Variants in VOPP1 observed in about 807,000 individuals in gnomAD.
VOPP1 encodes VOPP1 WW domain binding protein, also known as WW domain binding protein VOPP1.
Under a neutral mutation model 23.5 loss-of-function variants are expected in VOPP1, and 8 were observed. The observed-to-expected ratio is 0.34, with a 90% CI of 0.20 to 0.61. The LOEUF (loss-of-function observed/expected upper bound fraction) is 0.61. Ranked by LOEUF, VOPP1 falls within the 20% of genes least tolerant of loss-of-function variation. The probability of loss-of-function intolerance (pLI) is 0.78; values close to 1 mark genes in which losing one functional copy is unlikely to be tolerated. For missense variants in VOPP1, 174 were observed against 238.1 expected, an observed-to-expected ratio of 0.73 and a Z score of 1.77; for synonymous variants, 83 against 97.3, an observed-to-expected ratio of 0.85 and a Z score of 0.86.
At chr7:55,491,167 A>T (rs746262667) in intron 4 of VOPP1, among the ~76,000 whole-genome samples, 1 of 152,208 alleles carries the variant, frequency 6.6e-6, no homozygotes, top group African/African-American at 2.4e-5. Flanking sequence ...TATTCCATAA[A>T]CATCTCTATT....
rs1482393412 is a variant in VOPP1 at position 55,568,793 on chromosome 7, T to C, written c.54+3478A>G. On this transcript the variant is annotated intron_variant, in intron 1 of 4. Coordinates refer to ENST00000285279, the MANE Select transcript of VOPP1 (RefSeq NM_030796.5). ...GAAGTGTAGTCAGTTTTAAAACCTT[T>C]TTTTTTCCTTTTAGTTTCTAAGGAG... Among the ~76,000 whole-genome samples, 3 of 152,330 alleles carry C rather than the reference T, an allele frequency of 2.0e-5. No individual in the cohort carries two copies. In the East Asian group the frequency reaches 5.8e-4, roughly 29 times the overall value.
intron 4 of VOPP1, among the ~76,000 whole-genome samples, chr7:55,476,489 G>A (rs968560990): frequency 6.6e-6 from 1 of 152,110 alleles, no homozygotes; most frequent in Non-Finnish European, 1.5e-5. Flanking sequence ...AGTCCGGCAG[G>A]CCGCAGAGGG....
intron 4 of VOPP1, among the ~76,000 whole-genome samples, chr7:55,491,109 T>TACAA (rs1212342796): frequency 6.6e-6 from 1 of 152,212 alleles, no homozygotes; most frequent in Non-Finnish European, 1.5e-5. Context: ...ACCTACAACC[T>TACAA]GATGAGTTTA....
intron 4 of VOPP1, among the ~76,000 whole-genome samples, chr7:55,449,079 CCT>C (rs1401332836): frequency 6.6e-6 from 1 of 152,172 alleles, no homozygotes; most frequent in African/African-American, 2.4e-5. Context: ...TCTCTCTGCG[CCT>C]CTCTCTGCTA....
intron 1 of VOPP1, among the ~76,000 whole-genome samples, chr7:55,538,086 C>A (rs1002062332): frequency 1.3e-5 from 2 of 152,236 alleles, no homozygotes; most frequent in African/African-American, 2.4e-5. Context: ...CACTTTAGGG[C>A]TTCGAGACAC....
chr7:55,495,971 G>A (rs1008113932), intron 3 of VOPP1, among the ~76,000 whole-genome samples: 1 of 152,210 alleles, frequency 6.6e-6, no homozygotes, highest in Non-Finnish European at 1.5e-5. Context: ...AAGTCGTCGT[G>A]TGCTGCCTCG....
intron 1 of VOPP1, among the ~76,000 whole-genome samples, chr7:55,565,905 G>C (rs1798148828): frequency 2.0e-5 from 3 of 152,172 alleles, no homozygotes; most frequent in African/African-American, 7.2e-5. Flanking sequence ...GGGAACCAAA[G>C]GTTTCAGCAC....
At chr7:55,462,692 G>A (rs1030527816) in intron 4 of VOPP1, among the ~76,000 whole-genome samples, 4 of 133,194 alleles carry the variant, frequency 3.0e-5, no homozygotes, top group African/African-American at 1.1e-4. Flanking sequence ...GTCTCGCTCT[G>A]TTGCCCAGGC....
intron 3 of VOPP1, among the ~76,000 whole-genome samples, chr7:55,496,310 G>A (rs1025202297): frequency 0.029 from 3 of 102 alleles, no homozygotes; most frequent in South Asian, 0.25. Flanking sequence ...AGGAGGCTCC[G>A]GAGCAAGGCC....
At chr7:55,483,624 G>A (rs960889398) in intron 4 of VOPP1, among the ~76,000 whole-genome samples, 1 of 152,200 alleles carries the variant, frequency 6.6e-6, no homozygotes. Context: ...TGGCTCTCAA[G>A]TCACCTTTGA....
chr7:55,450,089 T>C (rs145560633), intron 4 of VOPP1, among the ~76,000 whole-genome samples: 117 of 152,358 alleles, frequency 7.7e-4, no homozygotes, highest in African/African-American at 2.6e-3. Flanking sequence ...CGAGCAACGA[T>C]TGCATTTCAC....
At chr7:55,534,534 T>C (rs1796671534) in intron 1 of VOPP1, among the ~76,000 whole-genome samples, 1 of 152,216 alleles carries the variant, frequency 6.6e-6, no homozygotes, top group South Asian at 2.1e-4. Context: ...GGGTTTCTGC[T>C]TTTGAGCTCG....
intron 2 of VOPP1, among the ~76,000 whole-genome samples, chr7:55,504,348 C>T (rs368115274): frequency 1.0e-3 from 156 of 152,294 alleles, no homozygotes; most frequent in African/African-American, 3.5e-3. Context: ...CACTGGCCTT[C>T]GAATTAGCTA....
intron 4 of VOPP1, among the ~76,000 whole-genome samples, chr7:55,473,554 A>C (rs1792004948): frequency 6.6e-6 from 1 of 152,090 alleles, no homozygotes; most frequent in African/African-American, 2.4e-5. Flanking sequence ...CAGCTGATTG[A>C]CGCTCCATGG....
At position 55,471,597 on chromosome 7, in the gene VOPP1, C is replaced by T. The variant is rs1201607232; in HGVS notation, c.*1258G>A. The T allele has an allele frequency of 6.6e-6, 1 of 151,394 alleles. No homozygotes were observed. Among genetic ancestry groups the T allele is most frequent in the African/African-American group, 2.4e-5 (1 of 41,158 alleles). The allele number at this position is 151,394 out of a possible 1,614,324, so 9.4% of individuals were successfully genotyped here. On this transcript the variant is annotated 3_prime_UTR_variant, in exon 5 of 5. Coordinates refer to ENST00000285279, the MANE Select transcript of VOPP1 (RefSeq NM_030796.5). ...ACAGGTCAGCGTTCACACATCAACA[C>T]TATAACTATGCGGCGGAACTAGCTC...
intron 1 of VOPP1, chr7:55,521,669 T>C (rs1021433296): frequency 1.8e-5 from 18 of 986,978 alleles, no homozygotes; most frequent in Non-Finnish European, 1.9e-5. Flanking sequence ...AATGGGAGCC[T>C]CTCCTGGGCT....
intron 1 of VOPP1, among the ~76,000 whole-genome samples, chr7:55,531,608 T>C (rs1435370288): frequency 6.6e-6 from 1 of 152,138 alleles, no homozygotes; most frequent in Non-Finnish European, 1.5e-5. Context: ...CACCTCGGCC[T>C]CCCAAAGTGC....
chr7:55,473,312 GT>G (rs1791981762), intron 4 of VOPP1, among the ~76,000 whole-genome samples: 1 of 152,234 alleles, frequency 6.6e-6, no homozygotes, highest in Non-Finnish European at 1.5e-5. Context: ...CTGGGCCACA[GT>G]AAGGTGAGGC....
intron 4 of VOPP1, among the ~76,000 whole-genome samples, chr7:55,454,929 A>T (rs1791330102): frequency 6.6e-6 from 1 of 152,228 alleles, no homozygotes; most frequent in South Asian, 2.1e-4. Flanking sequence ...TATTCAACAC[A>T]GTATTGGAAG....
Sources: gnomAD v4.1 joint callset for allele counts (sites outside exome capture counted in the v4.1 genomes callset) on GRCh38, gnomAD v4.1.1 for gene constraint, MANE v1.5 for transcripts, NCBI Gene and HGNC (gene_info 2026-07-23, HGNC 2026-07-21) for gene names.